The following CAMSAP1 variants were observed in gnomAD, a reference collection of about 807,000 sequenced individuals.
The protein encoded by CAMSAP1 is calmodulin regulated spectrin associated protein 1.
CAMSAP1 carries 58 observed loss-of-function variants against 143.5 expected under a neutral mutation model. The observed-to-expected ratio is 0.40, with a 90% confidence interval of 0.33 to 0.50. The LOEUF (loss-of-function observed/expected upper bound fraction) is 0.50, where lower values mean the gene tolerates loss of function less well. Among genes scored for constraint, CAMSAP1 ranks in the 20% least tolerant of loss-of-function variants. The probability of loss-of-function intolerance (pLI) is 0.45; values close to 1 mark genes in which losing one functional copy is unlikely to be tolerated. For synonymous variants in CAMSAP1, 945 were observed against 859.3 expected (o/e 1.10, Z -1.74); for missense variants, 1,969 against 2,115.7 (o/e 0.93, Z 1.36).
intron 1 of CAMSAP1, among the ~76,000 whole-genome samples, chr9:135,890,541 G>T (rs1001945272): frequency 1.3e-5 from 2 of 152,120 alleles, no homozygotes; most frequent in African/African-American, 4.8e-5. Context: ...GGACTCTAGG[G>T]CCTGCCCAAT....
At chr9:135,875,680 A>C (rs1457161104) in intron 3 of CAMSAP1, among the ~76,000 whole-genome samples, 1 of 152,236 alleles carries the variant, frequency 6.6e-6, no homozygotes, top group African/African-American at 2.4e-5. Flanking sequence ...AAAGTAATTC[A>C]ATAAGGAAAG....
Position 135,811,712 on chromosome 9 carries a change from G to A in CAMSAP1, c.4507-101C>T, listed in dbSNP as rs1158982034. On this transcript the variant is annotated intron_variant, in intron 16 of 16. Coordinates refer to ENST00000389532, the MANE Select transcript of CAMSAP1 (RefSeq NM_015447.4). This position sits in a 1 kb window ranked among gnomAD's most constrained non-coding sequence, Gnocchi z 4.9. ...CGGCTCAACCAGCACCGCTCCGTGG[G>A]AAGCTCTCCCACCCGTCAGCTACGG... 2.6e-6 allele frequency: 3 copies of A among 1,161,716 alleles called. No homozygotes were observed. The highest frequency in any genetic ancestry group is 3.6e-6 in the Non-Finnish European group (3 of 822,276). The allele number at this position is 1,161,716 out of a possible 1,614,324, so 72.0% of individuals were successfully genotyped here. A position where few individuals can be genotyped will look rare whatever the true frequency, so the allele number is the denominator to read the frequency against.
At chr9:135,881,871 A>C in intron 2 of CAMSAP1, 77 bp from the exon 3 acceptor site, 2 of 1,502,856 alleles carry the variant, frequency 1.3e-6, no homozygotes, top group South Asian at 2.5e-5. Context: ...ACCTGCTCAT[A>C]CTCAGCATTC....
At chr9:135,874,426 CGTACCACCT>C (rs1837665439) in intron 3 of CAMSAP1, among the ~76,000 whole-genome samples, 1 of 133,978 alleles carries the variant, frequency 7.5e-6, no homozygotes, top group Admixed American at 9.1e-5. Context: ...GAGCTATGAT[CGTACCACCT>C]GTACTCCAGC....
At chr9:135,898,775 T>C (rs1838530491) in intron 1 of CAMSAP1, among the ~76,000 whole-genome samples, 1 of 152,062 alleles carries the variant, frequency 6.6e-6, no homozygotes, top group South Asian at 2.1e-4. Context: ...GCCAAATAAA[T>C]ATGTCACTTT....
At chr9:135,866,315 A>T (rs1837377395) in intron 4 of CAMSAP1, 141 bp downstream of exon 4, 8 of 601,048 alleles carry the variant, frequency 1.3e-5, no homozygotes. Context: ...GAATCAGCCC[A>T]CCAGGTGAAT....
At chr9:135,865,156 G>A in intron 4 of CAMSAP1, 2 of 617,188 alleles carry the variant, frequency 3.2e-6, no homozygotes, top group Non-Finnish European at 5.8e-6. Context: ...CATATTACAA[G>A]GCCTATTCGG....
At position 135,850,314 on chromosome 9, in the gene CAMSAP1, G is replaced by C; in HGVS notation, c.948+8C>G. 3 of 1,609,978 alleles carry C rather than the reference G, an allele frequency of 1.9e-6. No homozygotes were observed. Among genetic ancestry groups the C allele is most frequent in the Non-Finnish European group, 2.5e-6 (3 of 1,178,160 alleles). On this transcript the variant is annotated splice_region_variant and intron_variant, in intron 6 of 16. Coordinates refer to ENST00000389532, the MANE Select transcript of CAMSAP1 (RefSeq NM_015447.4). ...TTTAAAACTGCATGCCAAATAATTC[G>C]TTATTACCTTCAACACTAATGGCGC...
chr9:135,846,896 GA>G (rs1384845575), intron 7 of CAMSAP1, among the ~76,000 whole-genome samples: 1 of 152,132 alleles, frequency 6.6e-6, no homozygotes, highest in East Asian at 1.9e-4. Flanking sequence ...TGCTAGAGAG[GA>G]TATGGAGAAA....
At chr9:135,817,930 C>G in intron 14 of CAMSAP1, 47 bp downstream of exon 14, 1 of 1,538,412 alleles carries the variant, frequency 6.5e-7, no homozygotes, top group Non-Finnish European at 9.0e-7. Flanking sequence ...CCCTGCCCCT[C>G]CGAACGTCCT....
At chr9:135,869,329 C>T (rs979670862) in intron 3 of CAMSAP1, among the ~76,000 whole-genome samples, 2 of 147,634 alleles carry the variant, frequency 1.4e-5, no homozygotes. Context: ...ATGACGAAAC[C>T]CTGTCTCTAC....
intron 1 of CAMSAP1, among the ~76,000 whole-genome samples, chr9:135,906,403 C>T (rs1838778212): frequency 6.6e-6 from 1 of 152,230 alleles, no homozygotes; most frequent in African/African-American, 2.4e-5. Flanking sequence ...ACAGAAGCGT[C>T]TTAATCCACT....
At chr9:135,815,037 C>A in intron 16 of CAMSAP1, 60 bp downstream of exon 16, 1 of 1,196,044 alleles carries the variant, frequency 8.4e-7, no homozygotes, top group Non-Finnish European at 1.2e-6. Context: ...TAAAAAGAAC[C>A]CTTAATTTAT....
At chr9:135,858,866 G>A (rs995536720) in intron 5 of CAMSAP1, among the ~76,000 whole-genome samples, 1 of 152,264 alleles carries the variant, frequency 6.6e-6, no homozygotes, top group Non-Finnish European at 1.5e-5. Context: ...GACAGGAAGA[G>A]AGAAGGTGCC....
intron 7 of CAMSAP1, among the ~76,000 whole-genome samples, chr9:135,828,015 A>C (rs1835736444): frequency 6.6e-6 from 1 of 152,272 alleles, no homozygotes; most frequent in Admixed American, 6.5e-5. Flanking sequence ...CAGCCCAGCC[A>C]GTGAGGGACC....
intron 1 of CAMSAP1, among the ~76,000 whole-genome samples, chr9:135,886,011 A>T (rs944583360): frequency 5.3e-5 from 8 of 151,796 alleles, no homozygotes; most frequent in Non-Finnish European, 2.9e-5. Context: ...CGAGAGCTGG[A>T]TGTGCACAGT....
intron 1 of CAMSAP1, among the ~76,000 whole-genome samples, chr9:135,889,806 C>T (rs889249129): frequency 3.9e-5 from 6 of 152,342 alleles, no homozygotes; most frequent in African/African-American, 1.4e-4. Context: ...AGAGGCTCTG[C>T]ACCTGAGGCC....
chr9:135,836,047 C>G, intron 7 of CAMSAP1: 5 of 930,464 alleles, frequency 5.4e-6, no homozygotes, highest in Non-Finnish European at 6.4e-6. Context: ...CAAAAAACAG[C>G]TTTTTCAGAG....
chr9:135,827,337 A>T (rs1259120827), intron 8 of CAMSAP1, 70 bp downstream of exon 8: 2 of 1,349,634 alleles, frequency 1.5e-6, no homozygotes, highest in Non-Finnish European at 2.0e-6. Flanking sequence ...ACTTCAATTA[A>T]TATTTTAAAC....
Sources: gnomAD v4.1 joint callset for allele counts (sites outside exome capture counted in the v4.1 genomes callset) on GRCh38, gnomAD v4.1.1 for gene constraint, Gnocchi (gnomAD v3.1) non-coding constraint, MANE v1.5 for transcripts, NCBI Gene and HGNC (gene_info 2026-07-23, HGNC 2026-07-21) for gene names.